KATNIP: variants seen among roughly 807,000 people sequenced by gnomAD.
The protein encoded by KATNIP is katanin-interacting protein.
A neutral mutation model predicts 174.0 loss-of-function variants in KATNIP; 126 were observed. That is an observed-to-expected ratio of 0.72 (90% CI 0.63 to 0.84). The LOEUF (loss-of-function observed/expected upper bound fraction) is 0.84, where lower values mean the gene tolerates loss of function less well. KATNIP is among the 40% of genes least tolerant of loss of function. The probability of loss-of-function intolerance (pLI) is 0.00; values close to 1 mark genes in which losing one functional copy is unlikely to be tolerated. For synonymous variants in KATNIP, 810 were observed against 835.7 expected, an observed-to-expected ratio of 0.97 and a Z score of 0.53; for missense variants, 1,958 against 2,109.7, an observed-to-expected ratio of 0.93 and a Z score of 1.41.
At position 27,698,393 on chromosome 16, in the gene KATNIP, C is replaced by G. The variant is rs548799168; in HGVS notation, c.1006C>G (p.Pro336Ala). ...CAAAACTCTTTGCGAGGCTGAGTAC[C>G]CAGAGGAAGATGCCTCTGCTGTGCT... Reference protein sequence around the residue: ...TRKTLCEAEYPEEDASAVLQA... With the variant: ...TRKTLCEAEYAEEDASAVLQA... Residue 336 changes from proline to alanine, a missense_variant, in exon 9 of 28, where the codon CCA becomes GCA. This residue lies in a region of KATNIP where 1,557 missense variants were observed against 1,617.8 expected (regional missense o/e 0.96). Coordinates refer to ENST00000261588, the MANE Select transcript of KATNIP (RefSeq NM_015202.5). The G allele has an allele frequency of 3.1e-6, 5 of 1,613,098 alleles. No individual in the cohort carries two copies. The highest frequency in any genetic ancestry group is 4.2e-6 in the Non-Finnish European group (5 of 1,179,632).
intron 2 of KATNIP, among the ~76,000 whole-genome samples, chr16:27,593,581 G>C (rs781537774): frequency 6.6e-6 from 1 of 151,864 alleles, no homozygotes; most frequent in Non-Finnish European, 1.5e-5. Context: ...GCCTAGGCTG[G>C]AATGCAGTGG....
At chr16:27,567,141 T>C (rs2090122662) in intron 1 of KATNIP, among the ~76,000 whole-genome samples, 1 of 152,220 alleles carries the variant, frequency 6.6e-6, no homozygotes, top group South Asian at 2.1e-4. Context: ...AGATTTGGGG[T>C]CCTGAGGTTC....
intron 18 of KATNIP, 39 bp from the exon 19 acceptor site, chr16:27,761,374 G>A: frequency 1.3e-6 from 2 of 1,563,556 alleles, no homozygotes. Flanking sequence ...CTCCTCTGGA[G>A]CCTCTGGTGC....
rs539938297 is a variant in KATNIP at position 27,583,305 on chromosome 16, C to A, written c.63+9349C>A. Among the ~76,000 whole-genome samples, 4 of 152,152 alleles carry A rather than the reference C, an allele frequency of 2.6e-5. No homozygotes were observed. The South Asian group carries it at 6.2e-4, about 24-fold the overall frequency. ...GAGTCTGTTTTGGATAAACAATGTG[C>A]CCTTCAACAGAGCACCATCAAAGTG... On this transcript the variant is annotated intron_variant, in intron 2 of 27. Transcript: ENST00000261588.
At chr16:27,584,077 G>A (rs938657157) in intron 2 of KATNIP, among the ~76,000 whole-genome samples, 1 of 152,154 alleles carries the variant, frequency 6.6e-6, no homozygotes, top group Non-Finnish European at 1.5e-5. Context: ...GGGGATAGTG[G>A]CAGCACCTGT....
intron 13 of KATNIP, among the ~76,000 whole-genome samples, chr16:27,715,059 T>C (rs1459054917): frequency 6.6e-6 from 1 of 152,204 alleles, no homozygotes; most frequent in Non-Finnish European, 1.5e-5. Context: ...AACTCTGCAG[T>C]AATAAAGACT....
intron 6 of KATNIP, among the ~76,000 whole-genome samples, chr16:27,661,501 C>A (rs915550073): frequency 6.6e-6 from 1 of 151,962 alleles, no homozygotes; most frequent in Non-Finnish European, 1.5e-5. Context: ...ATGCGATTCT[C>A]CTGCCTCAGC....
intron 5 of KATNIP, among the ~76,000 whole-genome samples, chr16:27,640,094 A>G (rs1160077598): frequency 6.6e-6 from 1 of 152,200 alleles, no homozygotes; most frequent in Non-Finnish European, 1.5e-5. Flanking sequence ...GATATGAACA[A>G]ATAACTCTAG....
intron 14 of KATNIP, among the ~76,000 whole-genome samples, chr16:27,732,772 A>G (rs1458332251): frequency 6.6e-6 from 1 of 152,196 alleles, no homozygotes; most frequent in Non-Finnish European, 1.5e-5. Context: ...AGTCCGGGAG[A>G]CAAACCCTAA....
rs373711582 is a variant in KATNIP, at chr16:27,773,274, G to A, written c.4309+65G>A. On this transcript the variant is annotated intron_variant, in intron 23 of 27. Coordinates refer to ENST00000261588, the MANE Select transcript of KATNIP (RefSeq NM_015202.5). Reference sequence around the variant, plus strand: ...AAGGGAGCATGGGAGGGTCGGGAACGGGGCAGAAGCCTTGTGTGCAGAGGG... The same window carrying A: ...AAGGGAGCATGGGAGGGTCGGGAACAGGGCAGAAGCCTTGTGTGCAGAGGG... The A allele has an allele frequency of 1.7e-4, 196 of 1,125,936 alleles. 1 individual carries two copies. In the Middle Eastern group the frequency reaches 2.4e-3, roughly 14 times the overall value. 69.7% of individuals were successfully genotyped at this position (1,125,936 alleles called of 1,614,324 possible). A position where few individuals can be genotyped will look rare whatever the true frequency, so the allele number is the denominator to read the frequency against.
chr16:27,585,545 A>G (rs1241619700), intron 2 of KATNIP, among the ~76,000 whole-genome samples: 2 of 152,212 alleles, frequency 1.3e-5, no homozygotes, highest in African/African-American at 4.8e-5. Context: ...ACACACGTAT[A>G]AAGAGAATGT....
In KATNIP at chr16:27,740,106, G is replaced by A; in HGVS notation, c.1809G>A (p.Lys603=). 6.2e-7 allele frequency: 1 copy of A among 1,614,176 alleles called. No homozygotes were observed. Among genetic ancestry groups the A allele is most frequent in the Admixed American group, 1.7e-5 (1 of 60,014 alleles). Residue 603 remains lysine (K), a synonymous_variant, in exon 15 of 28, where the codon AAG becomes AAA. Transcript: ENST00000261588. ...ACAGAAACCTCATCTTCAATGGCAA[G>A]TTAGACAAAGGAGATAGGGAGGCCC... ...YVNRNLIFNG[K]LDKGDREAPA...
At chr16:27,741,649 T>C (rs1295117944) in intron 15 of KATNIP, among the ~76,000 whole-genome samples, 1 of 152,126 alleles carries the variant, frequency 6.6e-6, no homozygotes, top group African/African-American at 2.4e-5. Flanking sequence ...ACACCTGTAA[T>C]CCCAGCACTT....
chr16:27,648,170 G>C (rs2077013481), intron 5 of KATNIP, among the ~76,000 whole-genome samples: 1 of 151,982 alleles, frequency 6.6e-6, no homozygotes, highest in Non-Finnish European at 1.5e-5. Flanking sequence ...GCAGGTGCCT[G>C]TTGTCCCAGC....
chr16:27,692,706 C>T (rs958470363), intron 8 of KATNIP, among the ~76,000 whole-genome samples: 5 of 152,164 alleles, frequency 3.3e-5, no homozygotes, highest in Non-Finnish European at 5.9e-5. Context: ...GACAGTGCGT[C>T]CCCTCCCATC....
Position 27,586,658 on chromosome 16 carries a change from G to T in KATNIP, c.63+12702G>T, listed in dbSNP as rs571825037. The stretch of plus-strand genomic sequence containing the variant: ...AGCCTGGGCAACATGGCAAAACCCC[G>T]TATCTACTAAAAATACAAAAATGAG... On this transcript the variant is annotated intron_variant, in intron 2 of 27. Coordinates refer to ENST00000261588, the MANE Select transcript of KATNIP (RefSeq NM_015202.5). Among the ~76,000 whole-genome samples, 73 of 151,810 alleles carry T rather than the reference G, an allele frequency of 4.8e-4. No individual in the cohort carries two copies. The South Asian group carries it at 5.4e-3, about 11-fold the overall frequency.
At chr16:27,571,243 G>A (rs1282942557) in intron 1 of KATNIP, among the ~76,000 whole-genome samples, 12 of 152,246 alleles carry the variant, frequency 7.9e-5, no homozygotes, top group Middle Eastern at 3.4e-3. Flanking sequence ...ATGTTGACCA[G>A]GCTGGTCTTG....
At chr16:27,600,833 G>A (rs958641842) in intron 2 of KATNIP, among the ~76,000 whole-genome samples, 22 of 151,694 alleles carry the variant, frequency 1.5e-4, no homozygotes, top group Admixed American at 1.2e-3. Context: ...AGATTCAAGC[G>A]ATTCTCCTGC....
intron 6 of KATNIP, among the ~76,000 whole-genome samples, chr16:27,661,933 T>TAC (rs1220625774): frequency 1.7e-5 from 1 of 58,904 alleles, no homozygotes; most frequent in South Asian, 5.9e-4. Flanking sequence ...TATATATATA[T>TAC]ATATATATAT....
Sources: gnomAD v4.1 joint callset for allele counts (sites outside exome capture counted in the v4.1 genomes callset) on GRCh38, gnomAD v4.1.1 for gene constraint, gnomAD v4.1.1 regional missense constraint, MANE v1.5 for transcripts, NCBI Gene and HGNC (gene_info 2026-07-23, HGNC 2026-07-21) for gene names.